The following TPTE variants were observed in gnomAD, a reference collection of about 807,000 sequenced individuals.
The protein encoded by TPTE is putative tyrosine-protein phosphatase TPTE.
TPTE carries 59 observed loss-of-function variants against 84.1 expected under a neutral mutation model. The ratio of observed to expected loss-of-function variants is 0.70; its 90% CI spans 0.57 to 0.87. TPTE has a LOEUF of 0.87. Ranked by LOEUF, TPTE falls within the 40% of genes least tolerant of loss-of-function variation. The pLI, the probability that TPTE is intolerant of heterozygous loss-of-function variation, is 0.00. For synonymous variants in TPTE, 130 were observed against 223.5 expected (o/e 0.58, Z 3.73); for missense variants, 382 against 659.6 (o/e 0.58, Z 4.61).
chr21:10,525,031 G>T (rs1215749710), intron 2 of TPTE, among the ~76,000 whole-genome samples: 1 of 152,310 alleles, frequency 6.6e-6, no homozygotes, highest in African/African-American at 2.4e-5. Flanking sequence ...TTCCTACAGG[G>T]GCAGCTGGTT....
chr21:10,538,785 G>T (rs766541659), intron 4 of TPTE, 51 bp downstream of exon 4: 1 of 1,614,016 alleles, frequency 6.2e-7, no homozygotes, highest in South Asian at 1.1e-5. Context: ...ACTGAGCATA[G>T]AAGTATTCAC....
rs539781163 is a variant in TPTE, at chr21:10,570,016, A to T, written c.730+270A>T. ...GAGTTTCAATTTATTAACCTCTAGT[A>T]GTTATTTCTGAGTCCCAGGGATCCC... On this transcript the variant is annotated intron_variant, in intron 13 of 23. Transcript: ENST00000618007. Among the ~76,000 whole-genome samples the T allele has an allele frequency of 1.1e-4, 17 of 152,372 alleles. No individual in the cohort carries two copies. In the East Asian group the frequency reaches 3.1e-3, roughly 28 times the overall value.
At chr21:10,557,834 A>G (rs1257405116) in intron 8 of TPTE, among the ~76,000 whole-genome samples, 1 of 152,096 alleles carries the variant, frequency 6.6e-6, no homozygotes, top group African/African-American at 2.4e-5. Flanking sequence ...TTTATTTTTT[A>G]CATATTATTT....
intron 14 of TPTE, among the ~76,000 whole-genome samples, chr21:10,575,745 AAC>A (rs1460513952): frequency 6.6e-6 from 1 of 152,312 alleles, no homozygotes; most frequent in East Asian, 1.9e-4. Context: ...TTACAAGAAA[AAC>A]ACAACCCCAT....
At chr21:10,546,544 A>G (rs1196401012) in intron 7 of TPTE, among the ~76,000 whole-genome samples, 1 of 152,308 alleles carries the variant, frequency 6.6e-6, no homozygotes, top group East Asian at 1.9e-4. Context: ...CCAAGTTGTG[A>G]ATGTAAAACA....
intron 21 of TPTE, among the ~76,000 whole-genome samples, chr21:10,601,168 C>T (rs1978449855): frequency 6.6e-6 from 1 of 152,310 alleles, no homozygotes; most frequent in Non-Finnish European, 1.5e-5. Flanking sequence ...TGATTACAGT[C>T]TAATGGAAAA....
At chr21:10,549,814 A>T (rs1326335402) in intron 7 of TPTE, among the ~76,000 whole-genome samples, 3 of 152,310 alleles carry the variant, frequency 2.0e-5, no homozygotes, top group Non-Finnish European at 4.4e-5. Context: ...AGGGAGAGCT[A>T]GACATCTAGT....
chr21:10,565,938 A>T (rs993065040), intron 10 of TPTE, among the ~76,000 whole-genome samples: 7 of 152,306 alleles, frequency 4.6e-5, no homozygotes, highest in African/African-American at 1.7e-4. Context: ...TCTCCAGGAC[A>T]TTGGTCTGAG....
intron 3 of TPTE, among the ~76,000 whole-genome samples, chr21:10,533,424 G>A (rs1384632106): frequency 3.3e-5 from 5 of 152,304 alleles, no homozygotes; most frequent in Non-Finnish European, 1.5e-5. Flanking sequence ...TGCTACAGTC[G>A]GTATGTTGTT....
At chr21:10,561,609 T>A (rs1458677894) in intron 10 of TPTE, among the ~76,000 whole-genome samples, 5 of 152,412 alleles carry the variant, frequency 3.3e-5, no homozygotes, top group African/African-American at 9.6e-5. Flanking sequence ...ACCCCCCCCA[T>A]GTCCTGTGTT....
intron 11 of TPTE, among the ~76,000 whole-genome samples, chr21:10,568,734 T>G (rs1036864588): frequency 2.0e-5 from 3 of 152,306 alleles, no homozygotes; most frequent in African/African-American, 7.2e-5. Flanking sequence ...GAAAAATACC[T>G]TAGGCCCCAC....
chr21:10,599,741 C>T (rs2075653525), intron 21 of TPTE, among the ~76,000 whole-genome samples: 1 of 152,312 alleles, frequency 6.6e-6, no homozygotes, highest in Non-Finnish European at 1.5e-5. Context: ...GCTTGACCAG[C>T]AGACTTCATT....
At chr21:10,562,181 C>T (rs1263147649) in intron 10 of TPTE, among the ~76,000 whole-genome samples, 1 of 152,312 alleles carries the variant, frequency 6.6e-6, no homozygotes, top group Non-Finnish European at 1.5e-5. Flanking sequence ...GTTTAGGAGG[C>T]TTGGGGTGCC....
intron 1 of TPTE, among the ~76,000 whole-genome samples, chr21:10,522,802 A>G (rs2074007015): frequency 6.6e-6 from 1 of 152,310 alleles, no homozygotes; most frequent in Non-Finnish European, 1.5e-5. Context: ...TACATTTTAC[A>G]TTGCATAATG....
At chr21:10,557,211 A>G (rs1449424414) in intron 8 of TPTE, among the ~76,000 whole-genome samples, 2 of 152,298 alleles carry the variant, frequency 1.3e-5, no homozygotes, top group East Asian at 3.8e-4. Context: ...TTCATGTTGG[A>G]GTGTCTGTCT....
intron 2 of TPTE, among the ~76,000 whole-genome samples, chr21:10,525,605 A>G (rs2074063900): frequency 6.6e-6 from 1 of 152,426 alleles, no homozygotes; most frequent in Non-Finnish European, 1.5e-5. Flanking sequence ...GCATGATTAT[A>G]AAGGTGTAGC....
chr21:10,566,835 G>A (rs2074930827), intron 10 of TPTE, among the ~76,000 whole-genome samples: 1 of 152,306 alleles, frequency 6.6e-6, no homozygotes, highest in Admixed American at 6.5e-5. Flanking sequence ...AAATTAGCTG[G>A]GTGTGGTGCC....
intron 2 of TPTE, among the ~76,000 whole-genome samples, chr21:10,525,188 A>G (rs1160945805): frequency 1.3e-5 from 2 of 152,312 alleles, no homozygotes; most frequent in Non-Finnish European, 2.9e-5. Context: ...TGAAGGTCAC[A>G]AATGGGTTTT....
chr21:10,564,675 G>T (rs1007822131), intron 10 of TPTE, among the ~76,000 whole-genome samples: 2 of 152,312 alleles, frequency 1.3e-5, no homozygotes, highest in African/African-American at 4.8e-5. Context: ...ATGTGTCTCT[G>T]GGATGCAAGG....
Sources: gnomAD v4.1 joint callset for allele counts (sites outside exome capture counted in the v4.1 genomes callset) on GRCh38, gnomAD v4.1.1 for gene constraint, MANE v1.5 for transcripts, NCBI Gene and HGNC (gene_info 2026-07-23, HGNC 2026-07-21) for gene names.